ZNF532: variants seen among roughly 807,000 people sequenced by gnomAD.
The protein encoded by ZNF532 is zinc finger protein 532.
A neutral mutation model predicts 89.3 loss-of-function variants in ZNF532; 22 were observed. The observed-to-expected ratio is 0.25, with a 90% confidence interval of 0.18 to 0.35. The LOEUF (loss-of-function observed/expected upper bound fraction) is 0.35, where lower values mean the gene tolerates loss of function less well. ZNF532 is among the 10% of genes least tolerant of loss of function. The pLI is 1.00. For synonymous variants in ZNF532, 606 were observed against 649.6 expected, an observed-to-expected ratio of 0.93 and a Z score of 1.02; for missense variants, 1,132 against 1,643.4, an observed-to-expected ratio of 0.69 and a Z score of 5.38.
At position 58,984,427 on chromosome 18, in the gene ZNF532, C is replaced by T. The variant is rs375445288; in HGVS notation, c.3867C>T (p.Ala1289=). The T allele has an allele frequency of 3.1e-6, 5 of 1,610,992 alleles. No individual in the cohort carries two copies. Among genetic ancestry groups the T allele is most frequent in the Non-Finnish European group, 4.2e-6 (5 of 1,178,934 alleles). ...CTCACATGCGGACACACGGCATGGC[C>T]TTCATCAAATCCAAAAGGATGAGCT... ...LNTHMRTHGM[A]FIKSKRMSSA... The change falls in exon 10 of 10, where the codon GCC becomes GCT. Residue 1289 remains alanine (A), a synonymous_variant. Coordinates refer to ENST00000591808, the MANE Select transcript of ZNF532 (RefSeq NM_001375912.1).
chr18:58,930,260 C>G (rs1324236144), intron 3 of ZNF532, among the ~76,000 whole-genome samples: 1 of 152,134 alleles, frequency 6.6e-6, no homozygotes, highest in South Asian at 2.1e-4. Context: ...CAGAATGTAC[C>G]TGGTTCCCCC....
intron 7 of ZNF532, among the ~76,000 whole-genome samples, chr18:58,963,635 G>GTA (rs1555755439): frequency 3.2e-5 from 4 of 125,152 alleles, no homozygotes; most frequent in African/African-American, 1.1e-4. Flanking sequence ...GTGTGTGTGT[G>GTA]TGTGTGTGTG....
chr18:58,974,179 A>G (rs1020114678), intron 7 of ZNF532, among the ~76,000 whole-genome samples: 2 of 152,222 alleles, frequency 1.3e-5, no homozygotes, highest in African/African-American at 4.8e-5. Context: ...ATAGTTTAAA[A>G]ATTTAAACAA....
intron 7 of ZNF532, chr18:58,964,319 G>C (rs1229562325): frequency 6.6e-6 from 1 of 152,114 alleles, no homozygotes; most frequent in Non-Finnish European, 1.5e-5. Flanking sequence ...GTGATCTCAA[G>C]GTTTTAGGAG....
At chr18:58,917,748 T>C (rs954385043) in intron 2 of ZNF532, among the ~76,000 whole-genome samples, 4 of 152,010 alleles carry the variant, frequency 2.6e-5, no homozygotes, top group Non-Finnish European at 4.4e-5. Flanking sequence ...TTAGCAGATA[T>C]CCTGCAGTAG....
At chr18:58,914,001 C>G (rs886538867) in intron 2 of ZNF532, among the ~76,000 whole-genome samples, 7 of 152,220 alleles carry the variant, frequency 4.6e-5, no homozygotes, top group African/African-American at 1.7e-4. Flanking sequence ...CTGACATTCT[C>G]TAATTGGAAA....
At chr18:58,907,919 A>G (rs989701276) in intron 2 of ZNF532, among the ~76,000 whole-genome samples, 5 of 152,158 alleles carry the variant, frequency 3.3e-5, no homozygotes, top group African/African-American at 9.7e-5. Context: ...CTGACTAGGA[A>G]GGTTAATAAA....
At chr18:58,937,494 C>T (rs1171283720) in intron 4 of ZNF532, among the ~76,000 whole-genome samples, 1 of 152,202 alleles carries the variant, frequency 6.6e-6, no homozygotes, top group African/African-American at 2.4e-5. Flanking sequence ...TTAGATACTT[C>T]CTTTTTATTT....
chr18:58,919,643 C>A lies in ZNF532; in HGVS notation c.1356C>A (p.Phe452Leu), dbSNP rs1382234505. The A allele has an allele frequency of 6.2e-7, 1 of 1,614,070 alleles. No homozygotes were observed. The highest frequency in any genetic ancestry group is 1.1e-5 in the South Asian group (1 of 91,066). ...QVTIKPVATA[F>L]LPVSAVKTAG... ...CAATCAAGCCTGTGGCTACTGCTTT[C>A]CTCCCAGTGTCTGCTGTGAAGACGG... The change falls in exon 3 of 10, where the codon TTC (phenylalanine) becomes TTA (leucine). Residue 452 changes from phenylalanine to leucine, a missense_variant. Coordinates refer to ENST00000591808, the MANE Select transcript of ZNF532 (RefSeq NM_001375912.1). This position sits in a 1 kb window ranked among gnomAD's most constrained non-coding sequence, Gnocchi z 6.1.
In ZNF532 at chr18:58,984,462, A is replaced by G; in HGVS notation, c.3902A>G (p.Lys1301Arg). 6.2e-7 allele frequency: 1 copy of G among 1,606,972 alleles called. No homozygotes were observed. The highest frequency in any genetic ancestry group is 8.5e-7 in the Non-Finnish European group (1 of 1,175,878). The change falls in exon 10 of 10, where the codon AAA becomes AGA. Residue 1301 changes from lysine to arginine, a missense_variant. Physicochemically the swap from Lys to Arg is conservative, Grantham distance 26. Around this residue, in one of 9 missense-constraint regions of ZNF532, gnomAD observed 415 missense variants for 604.8 expected, o/e 0.69. Coordinates refer to ENST00000591808, the MANE Select transcript of ZNF532 (RefSeq NM_001375912.1). ...TCCAAAAGGATGAGCTCAGCCGAGAAATAGCCACAGATGCTCCATGAGGAA... is the reference window on the plus strand; with the variant it reads ...TCCAAAAGGATGAGCTCAGCCGAGAGATAGCCACAGATGCTCCATGAGGAA... ...IKSKRMSSAE[K>R]
At chr18:58,880,644 T>C (rs1321635915) in intron 2 of ZNF532, among the ~76,000 whole-genome samples, 1 of 152,236 alleles carries the variant, frequency 6.6e-6, no homozygotes, top group East Asian at 1.9e-4. Context: ...ATTGTTGGAC[T>C]GAGACACTGA....
At position 58,869,473 on chromosome 18, in the gene ZNF532, C is replaced by T. The variant is rs115749154; in HGVS notation, c.-18+3894C>T. On this transcript the variant is annotated intron_variant, in intron 2 of 9. Transcript: ENST00000591808. ...TTTTAATCTCTTCGGAAACATTTGG[C>T]AGTCTAATTTTTACATTCAGGTTCA... is the stretch of plus-strand genomic sequence containing the variant. Among the ~76,000 whole-genome samples, 298 of 152,298 alleles carry T rather than the reference C, an allele frequency of 2.0e-3. 2 individuals are homozygous for T. Among genetic ancestry groups the T allele is most frequent in the African/African-American group, 6.9e-3 (287 of 41,564 alleles).
intron 4 of ZNF532, among the ~76,000 whole-genome samples, chr18:58,937,415 G>C (rs896882430): frequency 6.6e-6 from 1 of 152,022 alleles, no homozygotes. Flanking sequence ...GGTTTCCCTT[G>C]GTCTCCATGG....
At chr18:58,901,015 T>G (rs777088940) in intron 2 of ZNF532, among the ~76,000 whole-genome samples, 1 of 152,226 alleles carries the variant, frequency 6.6e-6, no homozygotes, top group Admixed American at 6.5e-5. Context: ...TCACTCAGCC[T>G]TGTTTCATGG....
chr18:58,871,531 A>G (rs2056982759), intron 2 of ZNF532, among the ~76,000 whole-genome samples: 1 of 152,242 alleles, frequency 6.6e-6, no homozygotes, highest in Non-Finnish European at 1.5e-5. Context: ...GCTCCTTCTC[A>G]CTGTGCTGTT....
At chr18:58,909,184 C>T (rs896714096) in intron 2 of ZNF532, among the ~76,000 whole-genome samples, 3 of 152,180 alleles carry the variant, frequency 2.0e-5, no homozygotes, top group African/African-American at 7.2e-5. Flanking sequence ...AACTCCCAAC[C>T]TCAGGTGATC....
chr18:58,959,383 C>T (rs1052725141), intron 7 of ZNF532, among the ~76,000 whole-genome samples: 2 of 151,480 alleles, frequency 1.3e-5, no homozygotes, highest in African/African-American at 2.4e-5. Context: ...AGCAGTCCTC[C>T]CGAGTAGCTA....
At position 58,902,741 on chromosome 18, in the gene ZNF532, C is replaced by T. The variant is rs561133996; in HGVS notation, c.-17-15530C>T. Among the ~76,000 whole-genome samples the T allele has an allele frequency of 2.6e-5, 4 of 152,170 alleles. No individual in the cohort carries two copies. In the South Asian group the frequency reaches 6.2e-4, roughly 24 times the overall value. ...TCCCAACCTCAGGTGATCCACCTGC[C>T]TCGGCTTCCCAAAGTGCTGGGATTA... On this transcript the variant is annotated intron_variant, in intron 2 of 9. Coordinates refer to ENST00000591808, the MANE Select transcript of ZNF532 (RefSeq NM_001375912.1).
intron 8 of ZNF532, chr18:58,979,758 T>C (rs2067508812): frequency 6.6e-6 from 1 of 152,456 alleles, no homozygotes; most frequent in South Asian, 2.1e-4. Flanking sequence ...GTTGGCCACA[T>C]TGGCGAGGTG....
Sources: allele counts gnomAD v4.1 joint callset (sites outside exome capture counted in the v4.1 genomes callset), GRCh38; gene constraint gnomAD v4.1.1; regional missense constraint gnomAD v4.1.1; non-coding constraint Gnocchi (gnomAD v3.1); transcripts MANE v1.5; gene names NCBI Gene and HGNC (gene_info 2026-07-23, HGNC 2026-07-21).